Variants in PDE10A observed in about 807,000 individuals in gnomAD.
PDE10A encodes the protein phosphodiesterase 10A.
A neutral mutation model predicts 97.7 loss-of-function variants in PDE10A; 39 were observed. That is an observed-to-expected ratio of 0.40 (90% CI 0.31 to 0.52). The LOEUF is 0.52. Ranked by LOEUF, PDE10A falls within the 20% of genes least tolerant of loss-of-function variation. The probability of loss-of-function intolerance (pLI) is 0.56; values close to 1 mark genes in which losing one functional copy is unlikely to be tolerated. For missense variants in PDE10A, 731 were observed against 1,047.8 expected (o/e 0.70, Z 4.17); for synonymous variants, 371 against 376.8 (o/e 0.98, Z 0.18).
At chr6:165,344,352 T>C (rs1782169418) in intron 18 of PDE10A, among the ~76,000 whole-genome samples, 1 of 152,234 alleles carries the variant, frequency 6.6e-6, no homozygotes, top group Non-Finnish European at 1.5e-5. Flanking sequence ...TGTACAACTT[T>C]AGCTTTTGTA....
chr6:165,788,461 T>G (rs1778553921), intron 1 of PDE10A, among the ~76,000 whole-genome samples: 1 of 124,108 alleles, frequency 8.1e-6, no homozygotes, highest in Non-Finnish European at 1.6e-5. Flanking sequence ...AGGTTTGCCA[T>G]GAGCCGAGAT....
At chr6:165,841,746 G>A (rs1405122792) in intron 1 of PDE10A, among the ~76,000 whole-genome samples, 7 of 152,240 alleles carry the variant, frequency 4.6e-5, no homozygotes, top group African/African-American at 1.7e-4. Flanking sequence ...AGCTACATAT[G>A]TCTTGCACAA....
intron 1 of PDE10A, among the ~76,000 whole-genome samples, chr6:165,889,887 CA>C (rs1781732014): frequency 1.6e-5 from 2 of 127,298 alleles, no homozygotes; most frequent in Admixed American, 1.6e-4. Flanking sequence ...CTCCCTCACT[CA>C]CTCCTCCCTC....
chr6:165,792,288 G>A (rs1293092982), intron 1 of PDE10A, among the ~76,000 whole-genome samples: 2 of 152,194 alleles, frequency 1.3e-5, no homozygotes, highest in African/African-American at 4.8e-5. Context: ...TGCTAACGAT[G>A]TCCTCTGGAT....
chr6:165,770,493 G>A lies in PDE10A; in HGVS notation c.-615+217036C>T, dbSNP rs143282851. 3.0e-3 allele frequency among the ~76,000 whole-genome samples: 462 copies of A among 152,248 alleles called. 5 individuals are homozygous for A. The highest frequency in any genetic ancestry group is 0.011 in the African/African-American group (446 of 41,534). On this transcript the variant is annotated intron_variant, in intron 1 of 19. Coordinates refer to the PDE10A transcript ENST00000366882. ...CCCTATATACAGTCTTTTATGTATA[G>A]GAGGTAATCTTTTATTCAAGAAGTG...
Position 165,396,355 on chromosome 6 carries a change from T to C in PDE10A, c.2181A>G (p.Gln727=), listed in dbSNP as rs752915752. Residue 727 remains glutamine, a synonymous_variant, in exon 14 of 22, where the codon CAA becomes CAG. Coordinates refer to ENST00000539869, the MANE Select transcript of PDE10A (RefSeq NM_001385079.1). The stretch of plus-strand genomic sequence containing the variant: ...TGCAGAGACGCACGGGAAGGGTGAA[T>C]TGCATGAGACCTTGCCACTCTTCTG... ...CTSEEWQGLM[Q]FTLPVRLCKE... 4 of 1,613,404 alleles carry C rather than the reference T, an allele frequency of 2.5e-6. No individual in the cohort carries two copies. The highest frequency in any genetic ancestry group is 1.7e-6 in the Non-Finnish European group (2 of 1,179,582).
At chr6:165,533,709 A>G (rs1782915669) in intron 2 of PDE10A, among the ~76,000 whole-genome samples, 1 of 152,158 alleles carries the variant, frequency 6.6e-6, no homozygotes, top group Non-Finnish European at 1.5e-5. Flanking sequence ...AATAATTTAG[A>G]TGACTGTTAA....
rs1229428273 is a variant in PDE10A at position 165,819,933 on chromosome 6, G to A, written c.-615+167596C>T. 1.3e-5 allele frequency among the ~76,000 whole-genome samples: 2 copies of A among 152,128 alleles called. No individual in the cohort carries two copies. Among genetic ancestry groups the A allele is most frequent in the East Asian group, 3.9e-4 (2 of 5,190 alleles). ...GTTAATATGGAATTCAGTAACACAAGGGCACTATTTTTCAAAATCTGTTGT... is the reference window on the plus strand; with the variant it reads ...GTTAATATGGAATTCAGTAACACAAAGGCACTATTTTTCAAAATCTGTTGT... On this transcript the variant is annotated intron_variant, in intron 1 of 19. Coordinates refer to the PDE10A transcript ENST00000366882. This position sits in a 1 kb window ranked among gnomAD's most constrained non-coding sequence, Gnocchi z 4.2.
Position 165,544,394 on chromosome 6 carries a change from T to C in PDE10A, c.866-826A>G, listed in dbSNP as rs551635801. 8.5e-5 allele frequency among the ~76,000 whole-genome samples: 13 copies of C among 152,308 alleles called. 1 individual carries two copies. Among genetic ancestry groups the C allele is most frequent in the Middle Eastern group, 3.4e-3 (1 of 294 alleles). On this transcript the variant is annotated intron_variant, in intron 1 of 21. Coordinates refer to ENST00000539869, the MANE Select transcript of PDE10A (RefSeq NM_001385079.1). ...CAAAGTATTTTCACATGTTTTCATA[T>C]CTCACATATAAAGTATATGTTTTCA...
At chr6:165,466,505 T>C (rs904685996) in intron 3 of PDE10A, among the ~76,000 whole-genome samples, 1 of 152,246 alleles carries the variant, frequency 6.6e-6, no homozygotes, top group Admixed American at 6.5e-5. Flanking sequence ...ATATTGCATG[T>C]TTTACAAATG....
At chr6:165,710,888 T>A (rs1791878384) in intron 1 of PDE10A, among the ~76,000 whole-genome samples, 1 of 152,244 alleles carries the variant, frequency 6.6e-6, no homozygotes, top group Non-Finnish European at 1.5e-5. Context: ...AATACCCATG[T>A]CTTTCCTAAT....
intron 1 of PDE10A, among the ~76,000 whole-genome samples, chr6:165,874,937 C>A (rs1220879966): frequency 1.3e-5 from 2 of 151,986 alleles, no homozygotes; most frequent in East Asian, 1.9e-4. Flanking sequence ...CAGTAGGGAC[C>A]CAGTTATTCG....
At position 165,711,418 on chromosome 6, in the gene PDE10A, C is replaced by A. The variant is rs1036622638; in HGVS notation, c.-614-167850G>T. Among the ~76,000 whole-genome samples the A allele has an allele frequency of 2.0e-5, 3 of 152,102 alleles. No homozygotes were observed. Among genetic ancestry groups the A allele is most frequent in the Non-Finnish European group, 4.4e-5 (3 of 68,032 alleles). Reference sequence around the variant, plus strand: ...AATGCTTGATTCAGAGCCACGGAGACCAGAAATTCATGTTAGCTAGAACAC... The same window carrying A: ...AATGCTTGATTCAGAGCCACGGAGAACAGAAATTCATGTTAGCTAGAACAC... On this transcript the variant is annotated intron_variant, in intron 1 of 19. Coordinates refer to the PDE10A transcript ENST00000366882. This position sits in a 1 kb window ranked among gnomAD's most constrained non-coding sequence, Gnocchi z 4.5.
chr6:165,792,999 C>T (rs1778700068), intron 1 of PDE10A, among the ~76,000 whole-genome samples: 1 of 152,046 alleles, frequency 6.6e-6, no homozygotes, highest in Non-Finnish European at 1.5e-5. Flanking sequence ...CCCTTCAGTC[C>T]CCTTAAGAAT....
chr6:165,922,756 T>C (rs910544350), intron 1 of PDE10A, among the ~76,000 whole-genome samples: 2 of 152,246 alleles, frequency 1.3e-5, no homozygotes, highest in Non-Finnish European at 2.9e-5. Flanking sequence ...TGGGTAGTGC[T>C]GTCCATTTGC....
chr6:165,414,822 C>T (rs1583237057), intron 12 of PDE10A, among the ~76,000 whole-genome samples: 1 of 152,234 alleles, frequency 6.6e-6, no homozygotes, highest in East Asian at 1.9e-4. Context: ...CGTTTCTCCA[C>T]ATCCTGGCCA....
intron 1 of PDE10A, among the ~76,000 whole-genome samples, chr6:165,584,620 C>T (rs1785804134): frequency 1.3e-5 from 2 of 152,160 alleles, no homozygotes; most frequent in Non-Finnish European, 1.5e-5. Flanking sequence ...TTGTTTGGCC[C>T]CTTGTCCTAA....
At chr6:165,371,816 C>A (rs559365578) in intron 18 of PDE10A, among the ~76,000 whole-genome samples, 1 of 152,180 alleles carries the variant, frequency 6.6e-6, no homozygotes, top group Admixed American at 6.5e-5. Context: ...AACATTGATG[C>A]AAAAATCCTC....
chr6:165,803,166 G>A (rs1272465925), intron 1 of PDE10A, among the ~76,000 whole-genome samples: 1 of 152,114 alleles, frequency 6.6e-6, no homozygotes, highest in East Asian at 1.9e-4. Context: ...TGTGCCTCTG[G>A]TCTTACCAGA....
Sources: gnomAD v4.1 joint callset for allele counts (sites outside exome capture counted in the v4.1 genomes callset) on GRCh38, gnomAD v4.1.1 for gene constraint, Gnocchi (gnomAD v3.1) non-coding constraint, MANE v1.5 for transcripts, NCBI Gene and HGNC (gene_info 2026-07-23, HGNC 2026-07-21) for gene names.